The following AAK1 variants were observed in gnomAD, a reference collection of about 807,000 sequenced individuals.
The protein encoded by AAK1 is AP2-associated protein kinase 1.
A neutral mutation model predicts 116.0 loss-of-function variants in AAK1; 37 were observed. That is an observed-to-expected ratio of 0.32 (90% CI 0.25 to 0.42). The LOEUF (loss-of-function observed/expected upper bound fraction) is 0.42. Ranked by LOEUF, AAK1 falls within the 10% of genes least tolerant of loss-of-function variation. The probability of loss-of-function intolerance (pLI) is 1.00; values close to 1 mark genes in which losing one functional copy is unlikely to be tolerated. For synonymous variants in AAK1, 458 were observed against 439.9 expected (o/e 1.04, Z -0.51); for missense variants, 919 against 1,170.6 (o/e 0.79, Z 3.14).
intron 2 of AAK1, among the ~76,000 whole-genome samples, chr2:69,596,865 G>A (rs1673316599): frequency 6.6e-6 from 1 of 152,170 alleles, no homozygotes; most frequent in South Asian, 2.1e-4. Flanking sequence ...TTGTCCCAGG[G>A]TGCACTCTCT....
chr2:69,586,230 G>A (rs942488268), intron 2 of AAK1, among the ~76,000 whole-genome samples: 3 of 152,176 alleles, frequency 2.0e-5, no homozygotes, highest in African/African-American at 7.2e-5. Flanking sequence ...TTCCAGGTGA[G>A]ATGCTTAAAA....
At chr2:69,486,483 A>G (rs1479850095) in intron 17 of AAK1, among the ~76,000 whole-genome samples, 2 of 152,044 alleles carry the variant, frequency 1.3e-5, no homozygotes, top group Non-Finnish European at 2.9e-5. Context: ...TGTGGGAGGG[A>G]GGAGCTGCAG....
At chr2:69,500,704 C>T (rs1230582551) in intron 16 of AAK1, among the ~76,000 whole-genome samples, 516 of 93,968 alleles carry the variant, frequency 5.5e-3, no homozygotes, top group East Asian at 8.9e-3. Context: ...TATATACACA[C>T]ACACACACAC....
At position 69,459,691 on chromosome 2, in the gene AAK1, T is replaced by C. The variant is rs1318920874; in HGVS notation, c.*16178A>G. Reference sequence around the variant, plus strand: ...AACTGTGCCATTCATCATGCACTTATTGACATGCTCAAAATAGGGGAATGT... The same window carrying C: ...AACTGTGCCATTCATCATGCACTTACTGACATGCTCAAAATAGGGGAATGT... On this transcript the variant is annotated 3_prime_UTR_variant, in exon 22 of 22. Transcript: ENST00000409085. The C allele has an allele frequency of 1.3e-5, 2 of 152,242 alleles. No homozygotes were observed. Among genetic ancestry groups the C allele is most frequent in the Non-Finnish European group, 2.9e-5 (2 of 68,042 alleles). 9.4% of individuals were successfully genotyped at this position (152,242 alleles called of 1,614,324 possible).
chr2:69,507,482 A>C lies in AAK1; in HGVS notation c.2103T>G (p.Asp701Glu). ...EGSTWNPFDD[D>E]NFSKLTAEEL... ...CTTCAGCTGTGAGTTTGGAGAAATT[A>C]TCGTCATCAAAGGGATTCCACGTAG... Residue 701 changes from aspartate (D) to glutamate (E), a missense_variant, in exon 15 of 22, where the codon GAT (aspartate) becomes GAG (glutamate). Transcript: ENST00000409085. 1.9e-6 allele frequency: 3 copies of C among 1,613,084 alleles called. No homozygotes were observed. Among genetic ancestry groups the C allele is most frequent in the Non-Finnish European group, 2.5e-6 (3 of 1,179,550 alleles).
intron 2 of AAK1, among the ~76,000 whole-genome samples, chr2:69,573,250 C>T (rs116544592): frequency 0.011 from 1,719 of 152,090 alleles, 36 homozygotes; most frequent in African/African-American, 0.039. Flanking sequence ...CAGTCAGAAG[C>T]CTAAGGAAAA....
chr2:69,619,461 A>C (rs1416421635), intron 2 of AAK1, among the ~76,000 whole-genome samples: 1 of 152,106 alleles, frequency 6.6e-6, no homozygotes. Context: ...TTATTCATCC[A>C]TCCACCCATT....
chr2:69,499,263 T>C (rs1675876408), intron 16 of AAK1, among the ~76,000 whole-genome samples: 1 of 152,272 alleles, frequency 6.6e-6, no homozygotes, highest in Non-Finnish European at 1.5e-5. Flanking sequence ...CAGCCCTTCC[T>C]TGGACTTCCA....
In AAK1 at chr2:69,474,083, A is replaced by C. The variant is rs889821520; in HGVS notation, c.*1786T>G. The C allele has an allele frequency of 1.0e-6, 1 of 985,782 alleles. No individual in the cohort carries two copies. The highest frequency in any genetic ancestry group is 6.1e-5 in the Admixed American group (1 of 16,276). 61.1% of individuals were successfully genotyped at this position (985,782 alleles called of 1,614,324 possible). ...AGACAGAAGGAAGGCTGGAAGATTC[A>C]GACTTTTCCTCCAATGCCTTTCAAA... On this transcript the variant is annotated 3_prime_UTR_variant, in exon 22 of 22. Transcript: ENST00000409085.
Position 69,514,668 on chromosome 2 carries a change from G to A in AAK1, c.1579C>T (p.Leu527=). 1.2e-6 allele frequency: 2 copies of A among 1,613,434 alleles called. No individual in the cohort carries two copies. The highest frequency in any genetic ancestry group is 1.7e-6 in the Non-Finnish European group (2 of 1,179,710). The change falls in exon 13 of 22, where the codon CTA becomes TTA. Residue 527 remains leucine, a synonymous_variant. Transcript: ENST00000409085. The part of the protein sequence containing the change: ...VVSQGGSQQQ[L]MQNFYQQQQQ... Reference sequence around the variant, plus strand: ...TGCTGCTGGTAGAAATTCTGCATTAGCTGCTGTTGAGAGCCTCCTTGGGAC... The same window carrying A: ...TGCTGCTGGTAGAAATTCTGCATTAACTGCTGTTGAGAGCCTCCTTGGGAC...
chr2:69,593,550 C>T, intron 2 of AAK1, among the ~76,000 whole-genome samples: 1 of 151,458 alleles, frequency 6.6e-6, no homozygotes, highest in East Asian at 1.9e-4. Flanking sequence ...TATCTTTATA[C>T]ATAGAAAAGG....
At position 69,609,278 on chromosome 2, in the gene AAK1, A is replaced by G. The variant is rs1485150707; in HGVS notation, c.163+33600T>C. Among the ~76,000 whole-genome samples, 9 of 152,156 alleles carry G rather than the reference A, an allele frequency of 5.9e-5. No individual in the cohort carries two copies. The East Asian group carries it at 1.7e-3, about 29-fold the overall frequency. On this transcript the variant is annotated intron_variant, in intron 2 of 21. Coordinates refer to ENST00000409085, the MANE Select transcript of AAK1 (RefSeq NM_014911.5). ...TTCGGGAGGCTGAGGTGGGAGAATC[A>G]CCTAAACCCAGGAGGGGGAGGTTGC...
intron 16 of AAK1, among the ~76,000 whole-genome samples, chr2:69,498,922 G>C (rs1226407973): frequency 6.6e-6 from 1 of 152,230 alleles, no homozygotes; most frequent in Non-Finnish European, 1.5e-5. Flanking sequence ...TAACAGGCAA[G>C]GGCCAATAGG....
At chr2:69,557,929 T>C (rs1437943112) in intron 2 of AAK1, among the ~76,000 whole-genome samples, 3 of 152,166 alleles carry the variant, frequency 2.0e-5, no homozygotes, top group Non-Finnish European at 4.4e-5. Flanking sequence ...AGAAGATACA[T>C]GATAAGGGTA....
At chr2:69,522,009 T>TC (rs1669807015) in intron 10 of AAK1, among the ~76,000 whole-genome samples, 1 of 152,198 alleles carries the variant, frequency 6.6e-6, no homozygotes, top group African/African-American at 2.4e-5. Context: ...AGCTGTCACT[T>TC]TGGACTTTCT....
At chr2:69,512,147 CAG>C (rs1676419261) in intron 13 of AAK1, among the ~76,000 whole-genome samples, 1 of 152,100 alleles carries the variant, frequency 6.6e-6, no homozygotes, top group Non-Finnish European at 1.5e-5. Flanking sequence ...GGAGGAGGGA[CAG>C]AGAGACCACG....
Position 69,557,753 on chromosome 2 carries a change from C to T in AAK1, c.164-775G>A, listed in dbSNP as rs189376552. ...TAAAAGCATAAGTGGAGCACACTTT[C>T]CCTCATACCAGAGAGGCTAGGAAAT... On this transcript the variant is annotated intron_variant, in intron 2 of 21. Transcript: ENST00000409085. 3.3e-5 allele frequency among the ~76,000 whole-genome samples: 5 copies of T among 152,302 alleles called. No homozygotes were observed. The East Asian group carries it at 9.6e-4, about 29-fold the overall frequency.
At chr2:69,562,718 C>T (rs1426761410) in intron 2 of AAK1, among the ~76,000 whole-genome samples, 2 of 152,002 alleles carry the variant, frequency 1.3e-5, no homozygotes, top group Admixed American at 6.6e-5. Context: ...GATGAAACCC[C>T]GTCTCTACTA....
At chr2:69,587,330 CAT>C (rs138186400) in intron 2 of AAK1, among the ~76,000 whole-genome samples, 5,687 of 151,310 alleles carry the variant, frequency 0.038, 327 homozygotes, top group African/African-American at 0.13. Flanking sequence ...CATATATACA[CAT>C]ATGCGTGCAC....
Sources: gnomAD v4.1 joint callset for allele counts (sites outside exome capture counted in the v4.1 genomes callset) on GRCh38, gnomAD v4.1.1 for gene constraint, MANE v1.5 for transcripts, NCBI Gene and HGNC (gene_info 2026-07-23, HGNC 2026-07-21) for gene names.